The following DHX37 variants were observed in gnomAD, a reference collection of about 807,000 sequenced individuals.
DHX37 encodes the protein probable ATP-dependent RNA helicase DHX37.
DHX37 carries 52 observed loss-of-function variants against 134.3 expected under a neutral mutation model. The ratio of observed to expected loss-of-function variants is 0.39; its 90% CI spans 0.31 to 0.49. The LOEUF (loss-of-function observed/expected upper bound fraction) is 0.49, where lower values mean the gene tolerates loss of function less well. Among genes scored for constraint, DHX37 ranks in the 20% least tolerant of loss-of-function variants. DHX37 has a pLI of 0.93. For synonymous variants in DHX37, 634 were observed against 670.7 expected (o/e 0.95, Z 0.85); for missense variants, 1,344 against 1,580.8 (o/e 0.85, Z 2.54).
intron 15 of DHX37, among the ~76,000 whole-genome samples, chr12:124,964,186 A>G (rs1297326218): frequency 8.6e-6 from 1 of 115,658 alleles, no homozygotes; most frequent in Non-Finnish European, 1.7e-5. Flanking sequence ...CAAGAGTGAA[A>G]CTCCATCTCA....
intron 8 of DHX37, among the ~76,000 whole-genome samples, chr12:124,969,364 C>T (rs1052810626): frequency 6.6e-6 from 1 of 152,144 alleles, no homozygotes; most frequent in Non-Finnish European, 1.5e-5. Context: ...CCCCAGGCCG[C>T]TCAGCAATGC....
At chr12:124,979,212 T>A (rs1565892359) in intron 4 of DHX37, among the ~76,000 whole-genome samples, 1 of 151,950 alleles carries the variant, frequency 6.6e-6, no homozygotes, top group African/African-American at 2.4e-5. Flanking sequence ...ACAAAAAAAA[T>A]ACAAAGTTAG....
chr12:124,975,796 CA>C (rs1325179958), intron 5 of DHX37, among the ~76,000 whole-genome samples: 1 of 152,206 alleles, frequency 6.6e-6, no homozygotes, highest in Non-Finnish European at 1.5e-5. Flanking sequence ...CAGTCAAGCA[CA>C]AGCTCCTCCA....
In DHX37 at chr12:124,980,459, G is replaced by C. The variant is rs1201090782; in HGVS notation, c.738+31C>G. On this transcript the variant is annotated intron_variant, in intron 4 of 26. Coordinates refer to ENST00000308736, the MANE Select transcript of DHX37 (RefSeq NM_032656.4). This position sits in a 1 kb window ranked among gnomAD's most constrained non-coding sequence, Gnocchi z 5.3. ...TGTGCGCCCCTTGCCCGCTAACCTA[G>C]ATTCTTAATCACAAACACGGGGTGG... 2 of 1,600,100 alleles carry C rather than the reference G, an allele frequency of 1.2e-6. No homozygotes were observed. The highest frequency in any genetic ancestry group is 1.7e-6 in the Non-Finnish European group (2 of 1,176,208).
At position 124,986,216 on chromosome 12, in the gene DHX37, C is replaced by T. The variant is rs775237776; in HGVS notation, c.156G>A (p.Pro52=). Residue 52 remains proline, a synonymous_variant, in exon 2 of 27, where the codon CCG becomes CCA. Coordinates refer to ENST00000308736, the MANE Select transcript of DHX37 (RefSeq NM_032656.4). The part of the protein sequence containing the change: ...GVDASNALVL[P]GKKKKKTKAP... ...CTTTGGTCTTCTTTTTCTTCTTCCC[C>T]GGTAGAACGAGCGCGTTGCTTGCAT... 3.4e-5 allele frequency: 55 copies of T among 1,614,094 alleles called. No homozygotes were observed. Among genetic ancestry groups the T allele is most frequent in the Middle Eastern group, 1.6e-4 (1 of 6,062 alleles).
At position 124,980,713 on chromosome 12, in the gene DHX37, T is replaced by A. The variant is rs754242132; in HGVS notation, c.515A>T (p.Glu172Val). 6 of 1,565,124 alleles carry A rather than the reference T, an allele frequency of 3.8e-6. No individual in the cohort carries two copies. The Admixed American group carries it at 1.1e-4, about 29-fold the overall frequency. Reference protein sequence around the residue: ...EEEEEEESESELEEESELDED... With the variant: ...EEEEEEESESVLEEESELDED... ...GTCCAGCTCCGACTCCTCCTCCAGC[T>A]CCGATTCCGACTCCTCCTCCTCCTC... The change falls in exon 4 of 27, where the codon GAG becomes GTG. Residue 172 changes from glutamate (E) to valine (V), a missense_variant. Around this residue, in one of 7 missense-constraint regions of DHX37, gnomAD observed 319 missense variants for 296.1 expected, o/e 1.08. Coordinates refer to ENST00000308736, the MANE Select transcript of DHX37 (RefSeq NM_032656.4). This position sits in a 1 kb window ranked among gnomAD's most constrained non-coding sequence, Gnocchi z 5.3.
At chr12:124,985,716 G>C (rs909187531) in intron 2 of DHX37, among the ~76,000 whole-genome samples, 3 of 139,122 alleles carry the variant, frequency 2.2e-5, no homozygotes, top group East Asian at 2.2e-4. Flanking sequence ...CTGGGCAACA[G>C]AGCAAGACTC....
chr12:124,952,914 C>T (rs1191617370), intron 20 of DHX37: 1 of 171,344 alleles, frequency 5.8e-6, no homozygotes, highest in Non-Finnish European at 1.2e-5. Flanking sequence ...TGGGAACGTT[C>T]AATACGGGAA....
intron 1 of DHX37, among the ~76,000 whole-genome samples, chr12:124,986,660 G>T (rs574135979): frequency 6.6e-6 from 1 of 151,948 alleles, no homozygotes; most frequent in African/African-American, 2.4e-5. Flanking sequence ...GCAGTGAGCC[G>T]AGATCTTGCC....
chr12:124,948,275 C>G lies in DHX37; in HGVS notation c.3291-94G>C, dbSNP rs991858538. On this transcript the variant is annotated intron_variant, in intron 25 of 26. Transcript: ENST00000308736. ...AAGCAGGGCAGGCATCACCACCCCA[C>G]CAGCCCCACCCAGGAGGGTGAAGAG... The G allele has an allele frequency of 2.7e-6, 4 of 1,494,594 alleles. No homozygotes were observed. The Admixed American group carries it at 8.6e-5, about 32-fold the overall frequency. 92.6% of individuals were successfully genotyped at this position (1,494,594 alleles called of 1,614,324 possible). A position where few individuals can be genotyped will look rare whatever the true frequency, so the allele number is the denominator to read the frequency against.
At chr12:124,983,550 C>T (rs12833528) in intron 2 of DHX37, among the ~76,000 whole-genome samples, 1 of 151,138 alleles carries the variant, frequency 6.6e-6, no homozygotes, top group African/African-American at 2.4e-5. Flanking sequence ...TTTAGGAGGC[C>T]GAGGCGGGTG....
chr12:124,987,079 G>C (rs1954888077), intron 1 of DHX37, among the ~76,000 whole-genome samples: 1 of 152,190 alleles, frequency 6.6e-6, no homozygotes, highest in African/African-American at 2.4e-5. Context: ...GGTGGGGCCG[G>C]GCGCGGTGGC....
Position 124,961,218 on chromosome 12 carries a change from GCACACGCACGCA to G in DHX37, c.2046-807_2046-796del, listed in dbSNP as rs1441783915. On this transcript the variant is annotated intron_variant, in intron 15 of 26. Transcript: ENST00000308736. ...CACACACATACACGTGTGCACGCAC[GCACACGCACGCA>G]CACACACATACACGCGTGCACGCAC... Among the ~76,000 whole-genome samples the G allele has an allele frequency of 2.8e-3, 317 of 112,066 alleles. 1 individual carries two copies. Among genetic ancestry groups the G allele is most frequent in the Non-Finnish European group, 3.5e-3 (184 of 53,052 alleles). 73.5% of individuals were successfully genotyped at this position (112,066 alleles called of 152,430 possible).
At chr12:124,987,305 T>C (rs546269482) in intron 1 of DHX37, among the ~76,000 whole-genome samples, 34 of 152,322 alleles carry the variant, frequency 2.2e-4, no homozygotes, top group Middle Eastern at 6.8e-3. Flanking sequence ...ATCACGCCAC[T>C]GCACTCCAGC....
At position 124,977,479 on chromosome 12, in the gene DHX37, C is replaced by T. The variant is rs373681218; in HGVS notation, c.750G>A (p.Leu250=). Residue 250 remains leucine, a synonymous_variant, in exon 5 of 27, where the codon CTG becomes CTA. Transcript: ENST00000308736. ...NRSPEMQEER[L]KLPILSEEQV... ...GTTCTTCGGAGAGAATTGGGAGCTT[C>T]AGCCGTTCCTCCTGGAAGGAGAGGA... The T allele has an allele frequency of 7.7e-5, 123 of 1,601,476 alleles. 1 individual carries two copies. The highest frequency in any genetic ancestry group is 1.6e-4 in the Admixed American group (9 of 57,014).
intron 25 of DHX37, 128 bp from the exon 26 acceptor site, chr12:124,948,309 G>A (rs1015274688): frequency 2.3e-4 from 338 of 1,445,218 alleles, no homozygotes; most frequent in Non-Finnish European, 2.9e-4. Flanking sequence ...AGCTGGCTGG[G>A]CATGGTGACA....
intron 16 of DHX37, among the ~76,000 whole-genome samples, chr12:124,959,417 T>C (rs886712183): frequency 6.6e-6 from 1 of 151,814 alleles, no homozygotes; most frequent in Non-Finnish European, 1.5e-5. Flanking sequence ...GAGACGGGGT[T>C]TTGCCATGTT....
chr12:124,974,555 C>A (rs940603456), intron 6 of DHX37, among the ~76,000 whole-genome samples: 1 of 149,670 alleles, frequency 6.7e-6, no homozygotes, highest in Non-Finnish European at 1.5e-5. Context: ...CAGGATGGGC[C>A]TGGCACACTA....
chr12:124,964,443 C>T lies in DHX37; in HGVS notation c.1996G>A (p.Asp666Asn). 6.2e-6 allele frequency: 10 copies of T among 1,614,146 alleles called. No homozygotes were observed. The highest frequency in any genetic ancestry group is 8.5e-6 in the Non-Finnish European group (10 of 1,180,000). The part of the protein sequence containing the change: ...RVTWVSQASA[D>N]QRAGRAGRTE... ...CGTCCTGCTCTGCCCGCTCGCTGGT[C>T]AGCTGATGCCTGGGAGACCCAGGTG... Residue 666 changes from aspartate to asparagine, a missense_variant, in exon 15 of 27, where the codon GAC becomes AAC. Physicochemically the swap from Asp to Asn is conservative, Grantham distance 23. Coordinates refer to ENST00000308736, the MANE Select transcript of DHX37 (RefSeq NM_032656.4).
Sources: allele counts gnomAD v4.1 joint callset (sites outside exome capture counted in the v4.1 genomes callset), GRCh38; gene constraint gnomAD v4.1.1; regional missense constraint gnomAD v4.1.1; non-coding constraint Gnocchi (gnomAD v3.1); transcripts MANE v1.5; gene names NCBI Gene and HGNC (gene_info 2026-07-23, HGNC 2026-07-21).